ZNF251: variants seen among roughly 807,000 people sequenced by gnomAD.
The protein encoded by ZNF251 is zinc finger protein 251.
ZNF251 carries 14 observed loss-of-function variants against 13.5 expected under a neutral mutation model. The observed-to-expected ratio is 1.04, with a 90% CI of 0.69 to 1.63. The LOEUF is 1.63. Ranked by LOEUF, ZNF251 falls within the 40% of genes most tolerant of loss-of-function variation. The pLI, the probability that ZNF251 is intolerant of heterozygous loss-of-function variation, is 0.00. For synonymous variants in ZNF251, 287 were observed against 295.2 expected (o/e 0.97, Z 0.28); for missense variants, 764 against 834.9 (o/e 0.92, Z 1.05).
In ZNF251 at chr8:144,731,948, A is replaced by ATTTTTTTTTTT. The variant is rs59877504; in HGVS notation, c.278-8577_278-8567dup. ...ATAAAGGACATGTCCTGACAGCTGCATTTTTTTTTTTTAAGACAGAGTCTT... is the reference window on the plus strand; with the variant it reads ...ATAAAGGACATGTCCTGACAGCTGCATTTTTTTTTTTTTTTTTTTTTTTAAGACAGAGTCTT... On this transcript the variant is annotated intron_variant, in intron 4 of 4. Coordinates refer to ENST00000292562, the MANE Select transcript of ZNF251 (RefSeq NM_138367.2). Among the ~76,000 whole-genome samples the ATTTTTTTTTTT allele has an allele frequency of 2.1e-3, 298 of 142,018 alleles. 5 individuals are homozygous for ATTTTTTTTTTT. Among genetic ancestry groups the ATTTTTTTTTTT allele is most frequent in the African/African-American group, 7.5e-3 (286 of 38,352 alleles). 93.2% of individuals were successfully genotyped at this position (142,018 alleles called of 152,430 possible).
At chr8:144,740,907 T>C (rs1824129724) in intron 4 of ZNF251, among the ~76,000 whole-genome samples, 1 of 150,858 alleles carries the variant, frequency 6.6e-6, no homozygotes, top group Non-Finnish European at 1.5e-5. Flanking sequence ...CACTCCGGCC[T>C]GGGCAAGAAG....
chr8:144,749,870 C>T (rs998100179), intron 4 of ZNF251, among the ~76,000 whole-genome samples: 95 of 134,622 alleles, frequency 7.1e-4, no homozygotes, highest in Non-Finnish European at 1.3e-3. Flanking sequence ...ATTTCTTTTT[C>T]TTTTCTTTTT....
rs750222287 is a variant in ZNF251 at position 144,753,807 on chromosome 8, T to C, written c.164-11A>G. Reference sequence around the variant, plus strand: ...TAGGGACAGGGAATCCTGTTGAGGATGAGGACACTGGTGAGCTGGCATGGC... The same window carrying C: ...TAGGGACAGGGAATCCTGTTGAGGACGAGGACACTGGTGAGCTGGCATGGC... On this transcript the variant is annotated splice_polypyrimidine_tract_variant and intron_variant, in intron 3 of 4. Coordinates refer to ENST00000292562, the MANE Select transcript of ZNF251 (RefSeq NM_138367.2). 1.9e-6 allele frequency: 3 copies of C among 1,556,636 alleles called. No homozygotes were observed. The highest frequency in any genetic ancestry group is 2.6e-6 in the Non-Finnish European group (3 of 1,148,594).
chr8:144,749,732 C>A (rs1162348526), intron 4 of ZNF251, among the ~76,000 whole-genome samples: 1 of 152,132 alleles, frequency 6.6e-6, no homozygotes, highest in Non-Finnish European at 1.5e-5. Flanking sequence ...GCATTTACAG[C>A]TAATACAAGT....
intron 4 of ZNF251, among the ~76,000 whole-genome samples, chr8:144,727,393 G>A (rs1823549601): frequency 1.3e-5 from 2 of 152,174 alleles, no homozygotes; most frequent in African/African-American, 4.8e-5. Flanking sequence ...TGCAATAGAA[G>A]GCTGTTTTGT....
Position 144,721,850 on chromosome 8 carries a change from T to C in ZNF251, c.1810A>G (p.Ser604Gly). 6.7e-7 allele frequency: 1 copy of C among 1,500,354 alleles called. No homozygotes were observed. The highest frequency in any genetic ancestry group is 2.3e-5 in the East Asian group (1 of 43,840). 92.9% of individuals were successfully genotyped at this position (1,500,354 alleles called of 1,614,324 possible). A position where few individuals can be genotyped will look rare whatever the true frequency, so the allele number is the denominator to read the frequency against. Residue 604 changes from serine to glycine, a missense_variant, in exon 5 of 5, where the codon AGT becomes GGT. Physicochemically the swap from Ser to Gly is moderately conservative, Grantham distance 56. Transcript: ENST00000292562. ...TGTTGAATAAGGGTTGACTTTCCAC[T>C]GAAGGCGTTTCCACATTCTTGACAT... Reference protein sequence around the residue: ...YKCQECGNAFSGKSTLIQHQV... With the variant: ...YKCQECGNAFGGKSTLIQHQV...
chr8:144,729,909 A>T, intron 4 of ZNF251: 1 of 349,848 alleles, frequency 2.9e-6, no homozygotes, highest in Non-Finnish European at 4.0e-6. Context: ...TCAACAGGTT[A>T]CATGTGTTTT....
intron 4 of ZNF251, among the ~76,000 whole-genome samples, chr8:144,732,551 G>T (rs143882316): frequency 0.016 from 2,410 of 151,966 alleles, 31 homozygotes; most frequent in Non-Finnish European, 0.025. Flanking sequence ...GGTGGCTCAC[G>T]CCTGTAATCC....
At chr8:144,754,629 G>A (rs1198806155) in intron 2 of ZNF251, 67 bp downstream of exon 2, 3 of 1,551,002 alleles carry the variant, frequency 1.9e-6, no homozygotes, top group Non-Finnish European at 2.6e-6. Context: ...CGGCTCCAGA[G>A]GAGAGTAGCT....
chr8:144,739,241 C>T (rs376133835), intron 4 of ZNF251, among the ~76,000 whole-genome samples: 1 of 147,928 alleles, frequency 6.8e-6, no homozygotes, highest in Non-Finnish European at 1.5e-5. Flanking sequence ...CCCACCCCCC[C>T]AAAACTAGGA....
chr8:144,737,171 C>G (rs1823934889), intron 4 of ZNF251, among the ~76,000 whole-genome samples: 1 of 152,098 alleles, frequency 6.6e-6, no homozygotes, highest in South Asian at 2.1e-4. Context: ...GATCTCAGCT[C>G]ATGGCAGTCT....
In ZNF251 at chr8:144,754,310, C is replaced by G. The variant is rs567925172; in HGVS notation, c.45G>C (p.Leu15=). 41 of 1,609,062 alleles carry G rather than the reference C, an allele frequency of 2.5e-5. No homozygotes were observed. In the South Asian group the frequency reaches 4.3e-4, roughly 17 times the overall value. The part of the protein sequence containing the change: ...FQLPGHQEMP[L]TFQDVAVYFS... ...AGTACACGGCCACATCCTGGAAGGTCAGCGGCATCTCCTGCAACAAAACAT... is the reference window on the plus strand; with the variant it reads ...AGTACACGGCCACATCCTGGAAGGTGAGCGGCATCTCCTGCAACAAAACAT... The change falls in exon 3 of 5, where the codon CTG becomes CTC. Residue 15 remains leucine, a synonymous_variant. Transcript: ENST00000292562.
chr8:144,725,016 GT>G (rs71320840), intron 4 of ZNF251, among the ~76,000 whole-genome samples: 54,524 of 149,966 alleles, frequency 0.36, 11,059 homozygotes, highest in Middle Eastern at 0.48. Flanking sequence ...TTTCTTTCTT[GT>G]TTTTTTTTTC....
intron 4 of ZNF251, among the ~76,000 whole-genome samples, chr8:144,747,350 T>A (rs985517436): frequency 6.6e-6 from 1 of 151,204 alleles, no homozygotes. Flanking sequence ...TCAAGTATGT[T>A]AAAGTGTTTT....
chr8:144,737,262 T>C (rs1823937955), intron 4 of ZNF251, among the ~76,000 whole-genome samples: 1 of 149,856 alleles, frequency 6.7e-6, no homozygotes, highest in Non-Finnish European at 1.5e-5. Flanking sequence ...CACACCCAGT[T>C]AATTTTTGTA....
At chr8:144,749,079 C>T (rs1429939756) in intron 4 of ZNF251, among the ~76,000 whole-genome samples, 2 of 152,158 alleles carry the variant, frequency 1.3e-5, no homozygotes, top group African/African-American at 2.4e-5. Flanking sequence ...GTGGGAGGAT[C>T]GCTTGAGCCC....
chr8:144,749,171 T>C (rs1298252352), intron 4 of ZNF251, among the ~76,000 whole-genome samples: 1 of 152,006 alleles, frequency 6.6e-6, no homozygotes, highest in Non-Finnish European at 1.5e-5. Flanking sequence ...TCTCTAAAAA[T>C]ATAAATAAAT....
At chr8:144,728,662 CAA>C (rs573364533) in intron 4 of ZNF251, among the ~76,000 whole-genome samples, 23 of 56,370 alleles carry the variant, frequency 4.1e-4, no homozygotes, top group Non-Finnish European at 5.2e-4. Context: ...GGCTCCGTCT[CAA>C]AAAAAAAAAA....
chr8:144,729,839 C>CA (rs1823641214), intron 4 of ZNF251, among the ~76,000 whole-genome samples: 1 of 152,142 alleles, frequency 6.6e-6, no homozygotes, highest in Non-Finnish European at 1.5e-5. Flanking sequence ...CCAGCCTGGG[C>CA]AGCAGAGTGA....
Sources: gnomAD v4.1 joint callset for allele counts (sites outside exome capture counted in the v4.1 genomes callset) on GRCh38, gnomAD v4.1.1 for gene constraint, MANE v1.5 for transcripts, NCBI Gene and HGNC (gene_info 2026-07-23, HGNC 2026-07-21) for gene names.